The following MRPL47 variants were observed in gnomAD, a reference collection of about 807,000 sequenced individuals.
The protein encoded by MRPL47 is large ribosomal subunit protein uL29m.
Under a neutral mutation model 34.0 loss-of-function variants are expected in MRPL47, and 31 were observed. That is an observed-to-expected ratio of 0.91 (90% CI 0.68 to 1.23). The LOEUF is 1.23. Ranked by LOEUF, MRPL47 falls within the 50% of genes most tolerant of loss-of-function variation. The pLI, the probability that MRPL47 is intolerant of heterozygous loss-of-function variation, is 0.00. For synonymous variants in MRPL47, 106 were observed against 101.6 expected (o/e 1.04, Z -0.26); for missense variants, 328 against 285.8 (o/e 1.15, Z -1.07).
At chr3:179,592,781 T>G (rs771692159) in intron 5 of MRPL47, 42 bp from the exon 6 acceptor site, 1 of 1,260,436 alleles carries the variant, frequency 7.9e-7, no homozygotes, top group South Asian at 1.2e-5. Context: ...AAGAAAACAT[T>G]TAATACATTT....
intron 6 of MRPL47, among the ~76,000 whole-genome samples, chr3:179,591,968 G>A (rs1718683578): frequency 6.6e-6 from 1 of 151,998 alleles, no homozygotes; most frequent in Admixed American, 6.5e-5. Context: ...AAGTAGTTGA[G>A]ATTACAGGCA....
intron 6 of MRPL47, 77 bp from the exon 7 acceptor site, chr3:179,589,072 A>G (rs1189349981): frequency 2.2e-6 from 3 of 1,368,554 alleles, no homozygotes; most frequent in Non-Finnish European, 2.0e-6. Flanking sequence ...ATATGCATAA[A>G]TCAATTACAT....
Position 179,601,714 on chromosome 3 carries a change from T to C in MRPL47, c.305+16A>G, listed in dbSNP as rs1268994705. ...GGCTTCAAACGTCTAGATGTTAATG[T>C]ACTTAGTATACTTACCAAAGTTTGT... On this transcript the variant is annotated intron_variant, in intron 3 of 6. Transcript: ENST00000476781. 6.6e-7 allele frequency: 1 copy of C among 1,514,344 alleles called. No homozygotes were observed. Among genetic ancestry groups the C allele is most frequent in the Non-Finnish European group, 9.2e-7 (1 of 1,091,542 alleles). The allele number at this position is 1,514,344 out of a possible 1,614,324, so 93.8% of individuals were successfully genotyped here. A position where few individuals can be genotyped will look rare whatever the true frequency, so the allele number is the denominator to read the frequency against.
intron 6 of MRPL47, 35 bp from the exon 7 acceptor site, chr3:179,589,030 A>G (rs1718600508): frequency 6.3e-7 from 1 of 1,579,020 alleles, no homozygotes; most frequent in Non-Finnish European, 8.6e-7. Context: ...AATTTATACA[A>G]AAATATTTCC....
At chr3:179,601,411 A>G (rs543144060) in intron 3 of MRPL47, among the ~76,000 whole-genome samples, 107 of 152,340 alleles carry the variant, frequency 7.0e-4, no homozygotes, top group Middle Eastern at 3.4e-3. Flanking sequence ...TGTCTCAAAG[A>G]AAAAAACAAA....
Position 179,602,801 on chromosome 3 carries a change from C to T in MRPL47, c.99-4G>A. 6.3e-7 allele frequency: 1 copy of T among 1,597,652 alleles called. No individual in the cohort carries two copies. Among genetic ancestry groups the T allele is most frequent in the South Asian group, 1.2e-5 (1 of 86,756 alleles). On this transcript the variant is annotated splice_region_variant and splice_polypyrimidine_tract_variant and intron_variant, in intron 1 of 6. Coordinates refer to ENST00000476781, the MANE Select transcript of MRPL47 (RefSeq NM_020409.3). The stretch of plus-strand genomic sequence containing the variant: ...AGGCAACAAACTAAGAAAAAACCTG[C>T]AATTGAACACACATAAACAAGTAAA...
rs1295941298 is a variant in MRPL47 at position 179,589,089 on chromosome 3, T to C, written c.630-94A>G. 4 of 1,232,574 alleles carry C rather than the reference T, an allele frequency of 3.2e-6. 1 individual carries two copies. In the African/African-American group the frequency reaches 6.0e-5, roughly 19 times the overall value. 76.4% of individuals were successfully genotyped at this position (1,232,574 alleles called of 1,614,324 possible). On this transcript the variant is annotated intron_variant, in intron 6 of 6. Transcript: ENST00000476781. ...ATGCATAAATCAATTACATCAAAGC[T>C]TCAAACATGCCAGTCCCTGTATTTG...
At chr3:179,598,854 T>C in intron 3 of MRPL47, 83 bp from the exon 4 acceptor site, 2 of 1,032,938 alleles carry the variant, frequency 1.9e-6, no homozygotes, top group Non-Finnish European at 3.0e-6. Flanking sequence ...AAATTAATTA[T>C]CTGTACTTGA....
intron 2 of MRPL47, among the ~76,000 whole-genome samples, chr3:179,602,337 T>A (rs1718945045): frequency 6.6e-6 from 1 of 151,908 alleles, no homozygotes; most frequent in Non-Finnish European, 1.5e-5. Context: ...AGAGCAAAAC[T>A]CCATCTCTAA....
In MRPL47 at chr3:179,588,651, TA is replaced by T. The variant is rs1718584600; in HGVS notation, c.*220del. ...TAAAGCCTGCTTAAATGTCAGAATT[TA>T]TAAAGTGGGAATCTCATCTGAACTT... On this transcript the variant is annotated 3_prime_UTR_variant, in exon 7 of 7. Coordinates refer to ENST00000476781, the MANE Select transcript of MRPL47 (RefSeq NM_020409.3). 1 of 355,576 alleles carries T rather than the reference TA, an allele frequency of 2.8e-6. No homozygotes were observed. The highest frequency in any genetic ancestry group is 5.7e-5 in the South Asian group (1 of 17,594). The allele number at this position is 355,576 out of a possible 1,614,324, so 22.0% of individuals were successfully genotyped here. A position where few individuals can be genotyped will look rare whatever the true frequency, so the allele number is the denominator to read the frequency against.
At chr3:179,599,719 A>G (rs1481681594) in intron 3 of MRPL47, among the ~76,000 whole-genome samples, 1 of 152,242 alleles carries the variant, frequency 6.6e-6, no homozygotes, top group African/African-American at 2.4e-5. Flanking sequence ...GACCAGGGAA[A>G]GAGTCATAGA....
At chr3:179,591,671 G>A (rs1030948173) in intron 6 of MRPL47, among the ~76,000 whole-genome samples, 11 of 152,278 alleles carry the variant, frequency 7.2e-5, no homozygotes, top group Middle Eastern at 3.4e-3. Flanking sequence ...CTTTTCAACA[G>A]CCTTGCAATA....
At chr3:179,595,289 T>C (rs1718768016) in intron 4 of MRPL47, among the ~76,000 whole-genome samples, 2 of 152,162 alleles carry the variant, frequency 1.3e-5, no homozygotes, top group Non-Finnish European at 2.9e-5. Context: ...GCTCAAGTGA[T>C]CTATTTGCCT....
Position 179,600,608 on chromosome 3 carries a change from T to C in MRPL47, c.305+1122A>G, listed in dbSNP as rs149876779. ...AGTGAGCCAAGATCACGCCACTGAA[T>C]TGCAGCCTGGGTGACAGAGTGAGAC... On this transcript the variant is annotated intron_variant, in intron 3 of 6. Transcript: ENST00000476781. Among the ~76,000 whole-genome samples, 313 of 152,202 alleles carry C rather than the reference T, an allele frequency of 2.1e-3. 10 individuals are homozygous for C. The East Asian group carries it at 0.056, about 27-fold the overall frequency.
chr3:179,589,621 GTT>G (rs1718621059), intron 6 of MRPL47, among the ~76,000 whole-genome samples: 1 of 152,084 alleles, frequency 6.6e-6, no homozygotes, highest in South Asian at 2.1e-4. Context: ...ATAGAAATAA[GTT>G]TATATAAAAT....
intron 5 of MRPL47, 54 bp from the exon 6 acceptor site, chr3:179,592,793 C>T: frequency 1.7e-6 from 2 of 1,146,964 alleles, no homozygotes; most frequent in Middle Eastern, 2.0e-4. Flanking sequence ...AATACATTTT[C>T]ACTTTCCTAA....
At chr3:179,598,009 T>C (rs1352227775) in intron 4 of MRPL47, among the ~76,000 whole-genome samples, 1 of 152,206 alleles carries the variant, frequency 6.6e-6, no homozygotes, top group Non-Finnish European at 1.5e-5. Context: ...TAAAGTGGTA[T>C]AGCTACTTTA....
At chr3:179,602,917 A>C (rs1216053544) in intron 1 of MRPL47, 120 bp from the exon 2 acceptor site, 1 of 833,812 alleles carries the variant, frequency 1.2e-6, no homozygotes, top group Non-Finnish European at 1.8e-6. Flanking sequence ...AAAGCTACTC[A>C]GGGTTTCTGC....
chr3:179,594,455 T>C (rs1718749290), intron 4 of MRPL47, among the ~76,000 whole-genome samples: 1 of 152,214 alleles, frequency 6.6e-6, no homozygotes, highest in African/African-American at 2.4e-5. Flanking sequence ...TTTCTATTGT[T>C]TTATAATGTA....
Sources: gnomAD v4.1 joint callset for allele counts (sites outside exome capture counted in the v4.1 genomes callset) on GRCh38, gnomAD v4.1.1 for gene constraint, MANE v1.5 for transcripts, NCBI Gene and HGNC (gene_info 2026-07-23, HGNC 2026-07-21) for gene names.